NLGN1: variants seen among roughly 807,000 people sequenced by gnomAD.
The protein encoded by NLGN1 is neuroligin-1.
In NLGN1, 12 loss-of-function variants were observed where a neutral mutation model predicts 65.5. The ratio of observed to expected loss-of-function variants is 0.18; its 90% CI spans 0.12 to 0.30. NLGN1 has a LOEUF of 0.30. Ranked by LOEUF, NLGN1 falls within the 10% of genes least tolerant of loss-of-function variation. The pLI, the probability that NLGN1 is intolerant of heterozygous loss-of-function variation, is 1.00. For synonymous variants in NLGN1, 350 were observed against 359.5 expected (o/e 0.97, Z 0.30); for missense variants, 750 against 1,007.1 (o/e 0.74, Z 3.46).
chr3:173,915,016 G>A (rs1740441279), intron 4 of NLGN1: 1 of 152,146 alleles, frequency 6.6e-6, no homozygotes, highest in African/African-American at 2.4e-5. Flanking sequence ...CATTAATTAT[G>A]ACAATGTTTT....
intron 4 of NLGN1, among the ~76,000 whole-genome samples, chr3:173,894,955 T>C (rs1255840502): frequency 6.6e-6 from 1 of 152,152 alleles, no homozygotes; most frequent in Non-Finnish European, 1.5e-5. Flanking sequence ...TATTTTCTTA[T>C]AGTTAAATAG....
intron 4 of NLGN1, among the ~76,000 whole-genome samples, chr3:174,196,602 TTC>T (rs1177709072): frequency 1.3e-5 from 2 of 152,176 alleles, no homozygotes; most frequent in East Asian, 3.9e-4. Context: ...ATTTGGTGCG[TTC>T]TTAGAGTGAC....
intron 4 of NLGN1, among the ~76,000 whole-genome samples, chr3:173,975,315 C>T (rs1418266212): frequency 1.3e-5 from 2 of 152,016 alleles, no homozygotes; most frequent in African/African-American, 4.8e-5. Flanking sequence ...TCCTCTTTGC[C>T]CTTCACTCCT....
chr3:173,634,407 G>C (rs942668536), intron 3 of NLGN1, among the ~76,000 whole-genome samples: 1 of 152,044 alleles, frequency 6.6e-6, no homozygotes, highest in Non-Finnish European at 1.5e-5. Flanking sequence ...TGTGCCTCAT[G>C]TAATATGTTT....
intron 2 of NLGN1, among the ~76,000 whole-genome samples, chr3:173,502,895 GA>G: frequency 6.6e-6 from 1 of 152,150 alleles, no homozygotes; most frequent in African/African-American, 2.4e-5. Flanking sequence ...AGTCTTGAAA[GA>G]CTTATATTTG....
intron 4 of NLGN1, among the ~76,000 whole-genome samples, chr3:174,090,304 C>T (rs753229164): frequency 2.6e-5 from 4 of 151,794 alleles, no homozygotes; most frequent in South Asian, 2.1e-4. Flanking sequence ...AATCTCGTCT[C>T]TATTAAAAAT....
chr3:174,212,123 G>A (rs1358171422), intron 4 of NLGN1, among the ~76,000 whole-genome samples: 2 of 152,200 alleles, frequency 1.3e-5, no homozygotes, highest in Non-Finnish European at 2.9e-5. Context: ...CCCCGCGGGA[G>A]GGCAGCTAAG....
chr3:174,293,328 T>C, the NLGN1 span, among the ~76,000 whole-genome samples: 1 of 151,478 alleles, frequency 6.6e-6, no homozygotes, highest in Non-Finnish European at 1.5e-5. Context: ...ATGATGTTTT[T>C]CTGTACCTGG....
chr3:174,238,166 G>GT (rs1348638323), intron 4 of NLGN1, among the ~76,000 whole-genome samples: 2 of 152,078 alleles, frequency 1.3e-5, no homozygotes, highest in African/African-American at 4.8e-5. Flanking sequence ...TCAAACTCAG[G>GT]TAAGTGTCAT....
chr3:174,003,637 A>G (rs1005435257), intron 4 of NLGN1, among the ~76,000 whole-genome samples: 3 of 152,192 alleles, frequency 2.0e-5, no homozygotes, highest in Non-Finnish European at 4.4e-5. Flanking sequence ...AAAAACTCTA[A>G]CATATCTCTC....
chr3:173,672,910 T>C (rs1249689413), intron 3 of NLGN1, among the ~76,000 whole-genome samples: 2 of 152,124 alleles, frequency 1.3e-5, no homozygotes, highest in Non-Finnish European at 2.9e-5. Context: ...AGATAGACCT[T>C]TAAGGAGTCA....
At chr3:174,078,419 A>G (rs1419104792) in intron 4 of NLGN1, among the ~76,000 whole-genome samples, 1 of 152,210 alleles carries the variant, frequency 6.6e-6, no homozygotes, top group African/African-American at 2.4e-5. Flanking sequence ...GCAGAAATTT[A>G]GACTAGATTG....
intron 3 of NLGN1, among the ~76,000 whole-genome samples, chr3:173,622,762 T>A (rs990888379): frequency 6.6e-6 from 1 of 152,116 alleles, no homozygotes; most frequent in African/African-American, 2.4e-5. Flanking sequence ...AGAACTATTT[T>A]TTGTTGCAAA....
chr3:173,659,198 A>T (rs1760541174), intron 3 of NLGN1, among the ~76,000 whole-genome samples: 1 of 151,988 alleles, frequency 6.6e-6, no homozygotes. Flanking sequence ...ATAAAACCTA[A>T]ATGTAGAAGA....
intron 4 of NLGN1, among the ~76,000 whole-genome samples, chr3:174,114,242 C>A (rs1010078389): frequency 1.3e-5 from 2 of 151,558 alleles, no homozygotes. Context: ...ACCCACATGG[C>A]TTTAATGGCA....
At chr3:173,559,942 CTT>C (rs35745476) in intron 2 of NLGN1, among the ~76,000 whole-genome samples, 1,483 of 108,352 alleles carry the variant, frequency 0.014, 10 homozygotes, top group African/African-American at 0.049. Context: ...TCTAGATACA[CTT>C]TTTTTTTTTT....
At chr3:173,601,782 A>G (rs1750583788) in intron 2 of NLGN1, among the ~76,000 whole-genome samples, 1 of 152,074 alleles carries the variant, frequency 6.6e-6, no homozygotes, top group Non-Finnish European at 1.5e-5. Context: ...CATTCAATAG[A>G]GTAAAACTGG....
rs1014771466 is a variant in NLGN1 at position 174,280,371 on chromosome 3, A to T, written c.1650-110A>T. 1.2e-5 allele frequency: 9 copies of T among 747,366 alleles called. No homozygotes were observed. Among genetic ancestry groups the T allele is most frequent in the Middle Eastern group, 2.4e-4 (1 of 4,130 alleles). The allele number at this position is 747,366 out of a possible 1,614,324, so 46.3% of individuals were successfully genotyped here. A position where few individuals can be genotyped will look rare whatever the true frequency, so the allele number is the denominator to read the frequency against. The stretch of plus-strand genomic sequence containing the variant: ...TTGACCCAAATTAATGTTAAAACAC[A>T]ATCTAAAGCATTGCTGAGTCATCTA... On this transcript the variant is annotated intron_variant, in intron 6 of 6. Transcript: ENST00000457714. The surrounding 1 kb of genome is among the most constrained non-coding windows in gnomAD (Gnocchi z 4.9).
At position 174,134,837 on chromosome 3, in the gene NLGN1, C is replaced by T. The variant is rs549470830; in HGVS notation, c.647-140478C>T. On this transcript the variant is annotated intron_variant, in intron 4 of 6. Transcript: ENST00000457714. ...GTGGGTGCCCAGGTAAAAGCAGAGG[C>T]GAAGGTCTAATTCCATATTCCCAGA... Among the ~76,000 whole-genome samples, 9 of 152,168 alleles carry T rather than the reference C, an allele frequency of 5.9e-5. No homozygotes were observed. The South Asian group carries it at 1.0e-3, about 18-fold the overall frequency.
Sources: gnomAD v4.1 joint callset for allele counts (sites outside exome capture counted in the v4.1 genomes callset) on GRCh38, gnomAD v4.1.1 for gene constraint, Gnocchi (gnomAD v3.1) non-coding constraint, MANE v1.5 for transcripts, NCBI Gene and HGNC (gene_info 2026-07-23, HGNC 2026-07-21) for gene names.